The following VPS13A variants were observed in gnomAD, a reference collection of about 807,000 sequenced individuals.
VPS13A encodes the protein vacuolar protein sorting 13 homolog A, also known as intermembrane lipid transfer protein VPS13A.
In VPS13A, 264 loss-of-function variants were observed where a neutral mutation model predicts 390.9. The ratio of observed to expected loss-of-function variants is 0.68; its 90% CI spans 0.61 to 0.75. The LOEUF is 0.75. Ranked by LOEUF, VPS13A falls within the 30% of genes least tolerant of loss-of-function variation. The pLI is 0.00. For missense variants in VPS13A, 3,409 were observed against 3,733.9 expected (o/e 0.91, Z 2.27); for synonymous variants, 1,231 against 1,227.1 (o/e 1.00, Z -0.07).
chr9:77,236,106 G>A (rs1262757136), intron 17 of VPS13A, among the ~76,000 whole-genome samples: 2 of 152,114 alleles, frequency 1.3e-5, no homozygotes, highest in African/African-American at 4.8e-5. Flanking sequence ...GGTAGGCTAG[G>A]TGTGTCAAAT....
intron 17 of VPS13A, among the ~76,000 whole-genome samples, chr9:77,236,380 G>C (rs1279817466): frequency 6.6e-6 from 1 of 152,134 alleles, no homozygotes; most frequent in Non-Finnish European, 1.5e-5. Flanking sequence ...TCCCTTTTCT[G>C]TGTAAGCTTT....
Position 77,418,804 on chromosome 9 carries a change from T to C in VPS13A, c.*2798T>C, listed in dbSNP as rs1259070447. 1 of 152,228 alleles carries C rather than the reference T, an allele frequency of 6.6e-6. No individual in the cohort carries two copies. The highest frequency in any genetic ancestry group is 1.9e-4 in the East Asian group (1 of 5,202). The allele number at this position is 152,228 out of a possible 1,614,324, so 9.4% of individuals were successfully genotyped here. On this transcript the variant is annotated 3_prime_UTR_variant, in exon 72 of 72. Coordinates refer to ENST00000360280, the MANE Select transcript of VPS13A (RefSeq NM_033305.3). The stretch of plus-strand genomic sequence containing the variant: ...TCTTCCAATAGTAATAGCGGTAATA[T>C]TGTTCCATTGAATATCTATGCACCT...
chr9:77,340,352 T>C, intron 49 of VPS13A, 52 bp from the exon 50 acceptor site: 1 of 1,602,636 alleles, frequency 6.2e-7, no homozygotes, highest in Non-Finnish European at 8.5e-7. Flanking sequence ...AATTAAATTT[T>C]ATAAAGATGT....
chr9:77,201,247 A>C, intron 2 of VPS13A, 118 bp from the exon 3 acceptor site: 1 of 675,776 alleles, frequency 1.5e-6, no homozygotes, highest in Non-Finnish European at 2.6e-6. Context: ...ATGATAAGGA[A>C]ATGTGTAAGT....
chr9:77,216,284 A>G lies in VPS13A; in HGVS notation c.754+1898A>G, dbSNP rs545837445. On this transcript the variant is annotated intron_variant, in intron 10 of 71. Transcript: ENST00000360280. The stretch of plus-strand genomic sequence containing the variant: ...AGGAGAAGTTTGGAGCTCAGAAGTA[A>G]AAAATTGATAACTGGCATACCTGTT... Among the ~76,000 whole-genome samples the G allele has an allele frequency of 2.0e-5, 3 of 152,346 alleles. No individual in the cohort carries two copies. In the East Asian group the frequency reaches 5.8e-4, roughly 29 times the overall value.
rs201567222 is a variant in VPS13A, at chr9:77,371,010, T to A, written c.8954-16T>A. On this transcript the variant is annotated splice_polypyrimidine_tract_variant and intron_variant, in intron 66 of 71. Transcript: ENST00000360280. ...ATTCTTGGATGCAATTGTCAAAAAC[T>A]CTTTTTTCTTTCCAGGAGCTCAAAA... 3 of 1,614,160 alleles carry A rather than the reference T, an allele frequency of 1.9e-6. No individual in the cohort carries two copies. In the East Asian group the frequency reaches 6.7e-5, roughly 36 times the overall value.
At chr9:77,336,802 C>CT (rs1221241397) in intron 46 of VPS13A, among the ~76,000 whole-genome samples, 11,665 of 107,934 alleles carry the variant, frequency 0.11, 987 homozygotes, top group African/African-American at 0.12. Context: ...ATTTATCTAT[C>CT]TTTTTTTTTT....
Position 77,321,162 on chromosome 9 carries a change from A to G in VPS13A, c.5416-7A>G, listed in dbSNP as rs761599634. On this transcript the variant is annotated splice_polypyrimidine_tract_variant and splice_region_variant and intron_variant, in intron 42 of 71. Transcript: ENST00000360280. ...TTTCCTTATATTTCTATGATTTATC[A>G]TTTTAGATGAAAAAGAAAGCAAAAA... 6.2e-7 allele frequency: 1 copy of G among 1,610,556 alleles called. No individual in the cohort carries two copies. Among genetic ancestry groups the G allele is most frequent in the Non-Finnish European group, 8.5e-7 (1 of 1,177,756 alleles).
At chr9:77,188,394 G>A (rs928964552) in intron 1 of VPS13A, among the ~76,000 whole-genome samples, 2 of 152,132 alleles carry the variant, frequency 1.3e-5, no homozygotes, top group Non-Finnish European at 2.9e-5. Context: ...GTGATAACTC[G>A]CTTAGGATAA....
intron 5 of VPS13A, among the ~76,000 whole-genome samples, chr9:77,206,344 TACACACACAC>T (rs61192750): frequency 6.7e-6 from 1 of 149,278 alleles, no homozygotes; most frequent in African/African-American, 2.4e-5. Flanking sequence ...TATATATATA[TACACACACAC>T]ACATATACAT....
chr9:77,205,416 A>G lies in VPS13A; in HGVS notation c.283+8A>G, dbSNP rs779364420. 1.6e-6 allele frequency: 2 copies of G among 1,224,742 alleles called. No homozygotes were observed. The highest frequency in any genetic ancestry group is 4.5e-5 in the South Asian group (2 of 44,442). 75.9% of individuals were successfully genotyped at this position (1,224,742 alleles called of 1,614,324 possible). ...TTATAGTGCCTTCTTCTAGTAAGTT[A>G]AATTTAAAAAAATTATAATTTAAGT... is the stretch of plus-strand genomic sequence containing the variant. On this transcript the variant is annotated splice_region_variant and intron_variant, in intron 4 of 71. Coordinates refer to ENST00000360280, the MANE Select transcript of VPS13A (RefSeq NM_033305.3).
At chr9:77,404,431 C>T (rs571505634) in intron 69 of VPS13A, among the ~76,000 whole-genome samples, 53 of 152,174 alleles carry the variant, frequency 3.5e-4, no homozygotes, top group South Asian at 1.9e-3. Flanking sequence ...GGAGTATGTA[C>T]GAATTTACAT....
chr9:77,206,115 A>T, intron 5 of VPS13A, 36 bp downstream of exon 5: 1 of 1,333,824 alleles, frequency 7.5e-7, no homozygotes, highest in Non-Finnish European at 1.0e-6. Context: ...CTAATAAGAG[A>T]AGTAGAAAAG....
At position 77,381,248 on chromosome 9, in the gene VPS13A, G is replaced by A. The variant is rs546476043; in HGVS notation, c.9078-728G>A. Among the ~76,000 whole-genome samples, 235 of 152,236 alleles carry A rather than the reference G, an allele frequency of 1.5e-3. 1 individual carries two copies. The highest frequency in any genetic ancestry group is 5.5e-3 in the African/African-American group (228 of 41,550). The stretch of plus-strand genomic sequence containing the variant: ...TCCCACCTCAGCCTTCTGAGTGTCT[G>A]GGACTTCTGCTGCATACCACCATGT... On this transcript the variant is annotated intron_variant, in intron 67 of 71. Coordinates refer to ENST00000360280, the MANE Select transcript of VPS13A (RefSeq NM_033305.3).
At chr9:77,407,280 G>A (rs1031441065) in intron 70 of VPS13A, among the ~76,000 whole-genome samples, 1 of 152,110 alleles carries the variant, frequency 6.6e-6, no homozygotes, top group Non-Finnish European at 1.5e-5. Context: ...ACTCTTTATG[G>A]CATTAGCAAT....
At chr9:77,335,041 A>G (rs904508916) in intron 46 of VPS13A, among the ~76,000 whole-genome samples, 1 of 152,196 alleles carries the variant, frequency 6.6e-6, no homozygotes, top group Non-Finnish European at 1.5e-5. Context: ...ACAGAAATAC[A>G]TCATAGATAT....
At chr9:77,397,585 A>G (rs1300852346) in intron 68 of VPS13A, among the ~76,000 whole-genome samples, 3 of 152,098 alleles carry the variant, frequency 2.0e-5, no homozygotes, top group African/African-American at 7.2e-5. Context: ...CTGTTTCTTC[A>G]TAACATTTGG....
At chr9:77,392,485 T>G (rs1165790557) in intron 68 of VPS13A, among the ~76,000 whole-genome samples, 2 of 152,094 alleles carry the variant, frequency 1.3e-5, no homozygotes, top group Admixed American at 6.6e-5. Flanking sequence ...TTCCAGGTTG[T>G]AAAAGAGAGA....
At chr9:77,265,374 C>A (rs1326308537) in intron 23 of VPS13A, among the ~76,000 whole-genome samples, 1 of 152,146 alleles carries the variant, frequency 6.6e-6, no homozygotes, top group Non-Finnish European at 1.5e-5. Flanking sequence ...AGGACTGGTA[C>A]CACCTCCTCT....
Sources: allele counts gnomAD v4.1 joint callset (sites outside exome capture counted in the v4.1 genomes callset), GRCh38; gene constraint gnomAD v4.1.1; transcripts MANE v1.5; gene names NCBI Gene and HGNC (gene_info 2026-07-23, HGNC 2026-07-21).